Variants in P2RX7 observed in about 807,000 individuals in gnomAD.
P2RX7 encodes the protein purinergic receptor P2X 7.
Under a neutral mutation model 71.6 loss-of-function variants are expected in P2RX7, and 62 were observed. The observed-to-expected ratio is 0.87, with a 90% CI of 0.71 to 1.07. The LOEUF is 1.07. Ranked by LOEUF, P2RX7 falls within the 50% of genes least tolerant of loss-of-function variation. The pLI is 0.00. For missense variants in P2RX7, 686 were observed against 748.5 expected (o/e 0.92, Z 0.97); for synonymous variants, 299 against 283.3 (o/e 1.06, Z -0.56).
At chr12:121,134,681 C>CA (rs1873163933) in intron 1 of P2RX7, among the ~76,000 whole-genome samples, 1 of 152,190 alleles carries the variant, frequency 6.6e-6, no homozygotes, top group Admixed American at 6.5e-5. Context: ...CATGAGCCGC[C>CA]ACGCCCGGCT....
intron 5 of P2RX7, among the ~76,000 whole-genome samples, chr12:121,164,407 A>C (rs1880557398): frequency 6.6e-6 from 1 of 152,236 alleles, no homozygotes; most frequent in Non-Finnish European, 1.5e-5. Context: ...ACCACTGTAC[A>C]TACCTGAATG....
intron 1 of P2RX7, among the ~76,000 whole-genome samples, chr12:121,142,093 C>G (rs542540827): frequency 1.3e-5 from 2 of 152,198 alleles, no homozygotes; most frequent in Non-Finnish European, 2.9e-5. Flanking sequence ...GGGCCCCACT[C>G]TGTCCCTCTG....
intron 1 of P2RX7, among the ~76,000 whole-genome samples, chr12:121,147,453 A>G (rs759190541): frequency 5.3e-5 from 8 of 152,190 alleles, no homozygotes; most frequent in Non-Finnish European, 7.3e-5. Flanking sequence ...AATGTTTATA[A>G]TTGGGAAAAT....
chr12:121,152,139 C>T (rs1342500828), intron 1 of P2RX7, among the ~76,000 whole-genome samples: 1 of 151,704 alleles, frequency 6.6e-6, no homozygotes, highest in African/African-American at 2.4e-5. Flanking sequence ...ACCACCACAC[C>T]CGGCTAATTT....
intron 1 of P2RX7, among the ~76,000 whole-genome samples, chr12:121,139,762 T>G (rs1411555913): frequency 1.6e-5 from 2 of 122,254 alleles, no homozygotes; most frequent in Admixed American, 9.8e-5. Flanking sequence ...TGAGACAGAG[T>G]CTCCCTCTGT....
At position 121,132,952 on chromosome 12, in the gene P2RX7, A is replaced by C; in HGVS notation, c.-19A>C. 1 of 1,613,320 alleles carries C rather than the reference A, an allele frequency of 6.2e-7. No individual in the cohort carries two copies. Among genetic ancestry groups the C allele is most frequent in the Non-Finnish European group, 8.5e-7 (1 of 1,179,986 alleles). ...GTAGAGCTCTGGTCCAGCTCCGCGC[A>C]GGGAGGGAGGCTGTCACCATGCCGG... On this transcript the variant is annotated 5_prime_UTR_variant, in exon 1 of 13. Transcript: ENST00000328963.
chr12:121,148,899 G>T, intron 1 of P2RX7: 2 of 352,438 alleles, frequency 5.7e-6, no homozygotes, highest in Non-Finnish European at 1.1e-5. Flanking sequence ...GTTCTTTAGG[G>T]GTCCATGAAG....
At chr12:121,163,597 GTA>G (rs1880326618) in intron 5 of P2RX7, among the ~76,000 whole-genome samples, 1 of 130,182 alleles carries the variant, frequency 7.7e-6, no homozygotes. Flanking sequence ...AGATAGACAG[GTA>G]GATAGATAGA....
At chr12:121,148,994 C>G in intron 1 of P2RX7, 1 of 505,518 alleles carries the variant, frequency 2.0e-6, no homozygotes, top group African/African-American at 1.9e-5. Flanking sequence ...TACCTTTGCG[C>G]TGGAAGCCCA....
intron 3 of P2RX7, among the ~76,000 whole-genome samples, chr12:121,160,061 C>G (rs1400196807): frequency 6.6e-6 from 1 of 152,152 alleles, no homozygotes; most frequent in East Asian, 1.9e-4. Flanking sequence ...GCAACCATCA[C>G]CACCGTCTAA....
At chr12:121,157,149 C>T (rs745617710) in intron 3 of P2RX7, among the ~76,000 whole-genome samples, 14 of 152,326 alleles carry the variant, frequency 9.2e-5, no homozygotes, top group African/African-American at 2.4e-4. Context: ...TCTCAGGTAA[C>T]GTAACTGTGC....
intron 8 of P2RX7, among the ~76,000 whole-genome samples, chr12:121,168,545 A>G (rs1881583923): frequency 1.3e-5 from 2 of 152,200 alleles, no homozygotes; most frequent in African/African-American, 4.8e-5. Flanking sequence ...CTAGGATTAC[A>G]GGCATGAGCC....
At chr12:121,155,798 AAAAACAAAAAC>A in intron 2 of P2RX7, among the ~76,000 whole-genome samples, 1 of 150,888 alleles carries the variant, frequency 6.6e-6, no homozygotes, top group Admixed American at 6.6e-5. Context: ...TGCGTAAAAA[AAAAACAAAAAC>A]AAAAACAAAA....
chr12:121,148,830 G>T (rs1308659479), intron 1 of P2RX7, among the ~76,000 whole-genome samples: 1 of 152,206 alleles, frequency 6.6e-6, no homozygotes, highest in Non-Finnish European at 1.5e-5. Flanking sequence ...AATAAGAGAT[G>T]CAGAGGCTGC....
chr12:121,162,746 T>C (rs545432752), intron 5 of P2RX7, among the ~76,000 whole-genome samples: 6 of 152,192 alleles, frequency 3.9e-5, no homozygotes, highest in Non-Finnish European at 5.9e-5. Flanking sequence ...AACTGGTAAA[T>C]AGCTACTACC....
chr12:121,132,933 C>T lies in P2RX7; in HGVS notation c.-38C>T. 1 of 1,611,776 alleles carries T rather than the reference C, an allele frequency of 6.2e-7. No homozygotes were observed. The highest frequency in any genetic ancestry group is 8.5e-7 in the Non-Finnish European group (1 of 1,179,768). ...TGTGGCCCTGTCAGGAAGAGTAGAG[C>T]TCTGGTCCAGCTCCGCGCAGGGAGG... On this transcript the variant is annotated 5_prime_UTR_variant, in exon 1 of 13. Transcript: ENST00000328963.
chr12:121,156,202 G>A (rs889830072), intron 3 of P2RX7, 55 bp downstream of exon 3: 4 of 1,452,544 alleles, frequency 2.8e-6, no homozygotes, highest in African/African-American at 1.4e-5. Flanking sequence ...TGGGGGAGGT[G>A]CAAGTCGGAA....
rs1878102840 is a variant in P2RX7 at position 121,154,263 on chromosome 12, C to G, written c.126-522C>G. On this transcript the variant is annotated intron_variant, in intron 1 of 12. Transcript: ENST00000328963. This position sits in a 1 kb window ranked among gnomAD's most constrained non-coding sequence, Gnocchi z 4.2. The stretch of plus-strand genomic sequence containing the variant: ...CAAGATCGCACCATTGCACTCCAGT[C>G]TGGGCAACAAGAGCAAAACTCTGTT... 6.6e-6 allele frequency among the ~76,000 whole-genome samples: 1 copy of G among 150,390 alleles called. No individual in the cohort carries two copies. Among genetic ancestry groups the G allele is most frequent in the Non-Finnish European group, 1.5e-5 (1 of 67,862 alleles).
Position 121,165,362 on chromosome 12 carries a change from C to A in P2RX7, c.539C>A (p.Ala180Asp). Residue 180 changes from alanine to aspartate, a missense_variant, in exon 6 of 13, where the codon GCT becomes GAT. Physicochemically the swap from Ala to Asp is moderately radical, Grantham distance 126. Coordinates refer to ENST00000328963, the MANE Select transcript of P2RX7 (RefSeq NM_002562.6). ...IEAVEEAPRP[A>D]LLNSAENFTV... Reference sequence around the variant, plus strand: ...TTTGCATGTCTCTCTCCCAGGCCTGCTCTCTTGAACAGTGCCGAAAACTTC... The same window carrying A: ...TTTGCATGTCTCTCTCCCAGGCCTGATCTCTTGAACAGTGCCGAAAACTTC... 1 of 1,613,864 alleles carries A rather than the reference C, an allele frequency of 6.2e-7. No individual in the cohort carries two copies. Among genetic ancestry groups the A allele is most frequent in the Non-Finnish European group, 8.5e-7 (1 of 1,179,786 alleles).
Sources: gnomAD v4.1 joint callset for allele counts (sites outside exome capture counted in the v4.1 genomes callset) on GRCh38, gnomAD v4.1.1 for gene constraint, Gnocchi (gnomAD v3.1) non-coding constraint, MANE v1.5 for transcripts, NCBI Gene and HGNC (gene_info 2026-07-23, HGNC 2026-07-21) for gene names.